The following ESRRB variants were observed in gnomAD, a reference collection of about 807,000 sequenced individuals.
ESRRB encodes the protein steroid hormone receptor ERR2.
Under a neutral mutation model 46.0 loss-of-function variants are expected in ESRRB, and 16 were observed. The ratio of observed to expected loss-of-function variants is 0.35; its 90% CI spans 0.24 to 0.53. The LOEUF is 0.53. ESRRB is among the 20% of genes least tolerant of loss of function. The pLI is 0.93. For synonymous variants in ESRRB, 246 were observed against 259.6 expected (o/e 0.95, Z 0.50); for missense variants, 488 against 607.4 (o/e 0.80, Z 2.07).
At chr14:76,432,297 C>T (rs1270605777) in intron 1 of ESRRB, among the ~76,000 whole-genome samples, 2 of 152,218 alleles carry the variant, frequency 1.3e-5, no homozygotes, top group East Asian at 3.8e-4. Flanking sequence ...CACTCAGCCC[C>T]AGATGTTAGT....
At chr14:76,438,675 A>C (rs1010709761) in intron 1 of ESRRB, among the ~76,000 whole-genome samples, 1 of 152,060 alleles carries the variant, frequency 6.6e-6, no homozygotes, top group Admixed American at 6.6e-5. Flanking sequence ...AAAAAAAAAA[A>C]AAACTTGTAG....
At position 76,376,837 on chromosome 14, in the gene ESRRB, C is replaced by T. The variant is rs1367169847; in HGVS notation, c.50+386C>T. Among the ~76,000 whole-genome samples the T allele has an allele frequency of 6.6e-6, 1 of 152,164 alleles. No homozygotes were observed. The highest frequency in any genetic ancestry group is 2.4e-5 in the African/African-American group (1 of 41,432). On this transcript the variant is annotated intron_variant, in intron 1 of 6. Transcript: ENST00000644823. This position sits in a 1 kb window ranked among gnomAD's most constrained non-coding sequence, Gnocchi z 4.1. ...GATGTGGTTGCAAGGATGTCCTGTC[C>T]CGTCAGAGAAAGCCTTTCCCGCGGG...
chr14:76,390,283 G>C (rs1232854422), intron 1 of ESRRB, among the ~76,000 whole-genome samples: 1 of 152,202 alleles, frequency 6.6e-6, no homozygotes, highest in Non-Finnish European at 1.5e-5. Context: ...GAGGTCAGCA[G>C]TTTGAGACCA....
chr14:76,457,379 T>C (rs931527354), intron 2 of ESRRB, among the ~76,000 whole-genome samples: 2 of 152,232 alleles, frequency 1.3e-5, no homozygotes, highest in African/African-American at 4.8e-5. Flanking sequence ...AAGACAATCT[T>C]GTCCAACCTG....
rs572094003 is a variant in ESRRB at position 76,334,920 on chromosome 14, GC to G, written c.2+24007del. ...GACAGGGAGCCACGTGGTGATGGGG[GC>G]CCTGTGGGTATGGAGGTGACTCCTA... On this transcript the variant is annotated intron_variant, in intron 1 of 6. Coordinates refer to the ESRRB transcript ENST00000512784. Among the ~76,000 whole-genome samples the G allele has an allele frequency of 5.1e-4, 78 of 152,302 alleles. No homozygotes were observed. The East Asian group carries it at 0.014, about 28-fold the overall frequency.
At chr14:76,413,020 C>T (rs535876452) in intron 1 of ESRRB, among the ~76,000 whole-genome samples, 3 of 152,218 alleles carry the variant, frequency 2.0e-5, no homozygotes, top group South Asian at 4.2e-4. Context: ...AAAGAAGGCT[C>T]GAGTTCTAAG....
intron 1 of ESRRB, among the ~76,000 whole-genome samples, chr14:76,401,734 A>G (rs989319589): frequency 6.6e-6 from 1 of 152,210 alleles, no homozygotes; most frequent in African/African-American, 2.4e-5. Context: ...AGGCTATGCC[A>G]TCTAGGCTTG....
chr14:76,335,211 C>T (rs1272312055), intron 1 of ESRRB, among the ~76,000 whole-genome samples: 2 of 152,178 alleles, frequency 1.3e-5, no homozygotes, highest in Admixed American at 6.5e-5. Flanking sequence ...AGCCAATCTC[C>T]CAGGCTCTTT....
intron 1 of ESRRB, among the ~76,000 whole-genome samples, chr14:76,328,634 C>G (rs1183283522): frequency 2.0e-5 from 3 of 151,390 alleles, no homozygotes; most frequent in Admixed American, 6.6e-5. Context: ...TATGCGGCAA[C>G]ACCCTGTTTT....
At chr14:76,349,760 G>A (rs6574289) in intron 1 of ESRRB, among the ~76,000 whole-genome samples, 111,482 of 151,768 alleles carry the variant, frequency 0.73, 41,049 homozygotes, top group Middle Eastern at 0.78. Context: ...ACCTGGAACA[G>A]TGCCTGACTC....
chr14:76,362,016 A>G (rs183580706), intron 1 of ESRRB, among the ~76,000 whole-genome samples: 5 of 152,292 alleles, frequency 3.3e-5, no homozygotes, highest in African/African-American at 4.8e-5. Flanking sequence ...CTCTGCCCTG[A>G]GTCTGGGGCT....
chr14:76,351,986 TAAAAAAA>T (rs201356393), intron 1 of ESRRB, among the ~76,000 whole-genome samples: 13,512 of 91,802 alleles, frequency 0.15, 1,007 homozygotes, highest in East Asian at 0.32. Context: ...CCCAGTCTCT[TAAAAAAA>T]AAAAAAAAAA....
chr14:76,323,306 CTTT>C (rs57281578), intron 1 of ESRRB, among the ~76,000 whole-genome samples: 1 of 138,330 alleles, frequency 7.2e-6, no homozygotes, highest in Admixed American at 7.3e-5. Flanking sequence ...CTCTCTTTCT[CTTT>C]TTTTTTTTTT....
intron 1 of ESRRB, among the ~76,000 whole-genome samples, chr14:76,318,610 T>C (rs1011242975): frequency 1.3e-5 from 2 of 152,196 alleles, no homozygotes; most frequent in Admixed American, 1.3e-4. Context: ...TTTCCTCATC[T>C]GTAAAATATG....
At chr14:76,315,696 A>G (rs11628186) in intron 1 of ESRRB, among the ~76,000 whole-genome samples, 105,619 of 152,052 alleles carry the variant, frequency 0.69, 37,303 homozygotes, top group Admixed American at 0.79. Flanking sequence ...AGGCTCCCAC[A>G]CCTTCCACTA....
At chr14:76,491,739 G>C in intron 6 of ESRRB, 23 bp downstream of exon 6, 1 of 1,558,390 alleles carries the variant, frequency 6.4e-7, no homozygotes, top group Non-Finnish European at 8.7e-7. Flanking sequence ...GCGGGGCCTG[G>C]AAGGGGAGCT....
chr14:76,500,831 G>A lies in ESRRB; in HGVS notation c.*2373G>A, dbSNP rs186401013. 2.8e-4 allele frequency: 339 copies of A among 1,205,400 alleles called. 3 individuals carry two copies. The East Asian group carries it at 5.7e-3, about 20-fold the overall frequency. The allele number at this position is 1,205,400 out of a possible 1,614,324, so 74.7% of individuals were successfully genotyped here. A position where few individuals can be genotyped will look rare whatever the true frequency, so the allele number is the denominator to read the frequency against. On this transcript the variant is annotated 3_prime_UTR_variant, in exon 7 of 7. Coordinates refer to ENST00000644823, the MANE Select transcript of ESRRB (RefSeq NM_001379180.1). ...CAGAGCCCCTCTAGCAGAGTGGGGC[G>A]GAAGTCCTGATGGTTGGTGTCCATG...
At chr14:76,402,468 G>T (rs1885984530) in intron 1 of ESRRB, among the ~76,000 whole-genome samples, 1 of 152,190 alleles carries the variant, frequency 6.6e-6, no homozygotes, top group African/African-American at 2.4e-5. Context: ...GAGGAGGGAA[G>T]GAGGGAAGGG....
At chr14:76,404,867 T>C (rs576397689) in intron 1 of ESRRB, among the ~76,000 whole-genome samples, 5 of 152,108 alleles carry the variant, frequency 3.3e-5, no homozygotes, top group Non-Finnish European at 5.9e-5. Flanking sequence ...TCTCTAATGG[T>C]CATTCCCCTT....
Sources: allele counts gnomAD v4.1 joint callset (sites outside exome capture counted in the v4.1 genomes callset), GRCh38; gene constraint gnomAD v4.1.1; non-coding constraint Gnocchi (gnomAD v3.1); transcripts MANE v1.5; gene names NCBI Gene and HGNC (gene_info 2026-07-23, HGNC 2026-07-21).